PLB1: variants seen among roughly 807,000 people sequenced by gnomAD.
The protein encoded by PLB1 is phospholipase B1.
Under a neutral mutation model 227.4 loss-of-function variants are expected in PLB1, and 242 were observed. That is an observed-to-expected ratio of 1.06 (90% confidence interval 0.96 to 1.18). The LOEUF (loss-of-function observed/expected upper bound fraction) is 1.18, where lower values mean the gene tolerates loss of function less well. Among genes scored for constraint, PLB1 ranks in the 50% most tolerant of loss-of-function variants. PLB1 has a pLI of 0.00. For missense variants in PLB1, 1,858 were observed against 1,816.3 expected (o/e 1.02, Z -0.42); for synonymous variants, 757 against 682.2 (o/e 1.11, Z -1.71).
chr2:28,540,284 C>G, intron 11 of PLB1, 82 bp from the exon 12 acceptor site: 1 of 1,136,814 alleles, frequency 8.8e-7, no homozygotes, highest in East Asian at 2.4e-5. Flanking sequence ...GCCCCTTCTT[C>G]CATAAGAGGC....
chr2:28,556,079 C>A (rs1572948922), intron 17 of PLB1, among the ~76,000 whole-genome samples: 2 of 151,898 alleles, frequency 1.3e-5, no homozygotes, highest in African/African-American at 2.4e-5. Flanking sequence ...CCCGGGCTGG[C>A]CTTGAACTCC....
chr2:28,525,771 C>T, intron 5 of PLB1, 134 bp from the exon 6 acceptor site: 1 of 1,117,444 alleles, frequency 8.9e-7, no homozygotes, highest in Non-Finnish European at 1.3e-6. Flanking sequence ...CCTATAACCC[C>T]TGGGAGGATA....
intron 17 of PLB1, among the ~76,000 whole-genome samples, chr2:28,556,078 G>A (rs1302950842): frequency 1.3e-5 from 2 of 152,026 alleles, no homozygotes; most frequent in East Asian, 3.9e-4. Flanking sequence ...GCCCGGGCTG[G>A]CCTTGAACTC....
chr2:28,588,806 A>G (rs913549974), intron 26 of PLB1, among the ~76,000 whole-genome samples: 1 of 152,226 alleles, frequency 6.6e-6, no homozygotes, highest in African/African-American at 2.4e-5. Flanking sequence ...ATAAATTGTT[A>G]GGATTATTCA....
chr2:28,544,993 A>G (rs1049576111), intron 14 of PLB1, among the ~76,000 whole-genome samples: 1 of 152,068 alleles, frequency 6.6e-6, no homozygotes. Flanking sequence ...ATTGGTGGCA[A>G]TAGCAATAAT....
rs981768201 is a variant in PLB1, at chr2:28,644,034, G to T, written c.*973G>T. ...CTTTGAAAATAGAAGTGATGCTTGC[G>T]CAACACCGTGAATGTACTAAACGCC... On this transcript the variant is annotated 3_prime_UTR_variant, in exon 58 of 58. Transcript: ENST00000327757. 6.6e-6 allele frequency among the ~76,000 whole-genome samples: 1 copy of T among 152,182 alleles called. No individual in the cohort carries two copies. Among genetic ancestry groups the T allele is most frequent in the South Asian group, 2.1e-4 (1 of 4,828 alleles).
chr2:28,557,531 C>G (rs1028012889), intron 17 of PLB1, among the ~76,000 whole-genome samples: 1 of 152,188 alleles, frequency 6.6e-6, no homozygotes, highest in Non-Finnish European at 1.5e-5. Context: ...GCATGCCAAG[C>G]CTTTCTCCTG....
chr2:28,520,095 G>GT (rs1230710045), intron 4 of PLB1, among the ~76,000 whole-genome samples: 1 of 151,678 alleles, frequency 6.6e-6, no homozygotes, highest in African/African-American at 2.4e-5. Context: ...TGCCTGGCTA[G>GT]TTTTGTATTT....
chr2:28,569,612 TG>T (rs1348850873), intron 20 of PLB1, among the ~76,000 whole-genome samples: 2 of 152,010 alleles, frequency 1.3e-5, no homozygotes, highest in East Asian at 3.9e-4. Flanking sequence ...TCAGATAACT[TG>T]GATGAAATGG....
intron 57 of PLB1, among the ~76,000 whole-genome samples, chr2:28,641,538 G>A (rs1334894897): frequency 6.6e-6 from 1 of 152,192 alleles, no homozygotes; most frequent in Non-Finnish European, 1.5e-5. Context: ...AACCCGGGAG[G>A]CAGAGGTTGC....
intron 4 of PLB1, among the ~76,000 whole-genome samples, chr2:28,520,385 TTTTC>T (rs1277304885): frequency 6.6e-6 from 1 of 152,158 alleles, no homozygotes; most frequent in Non-Finnish European, 1.5e-5. Context: ...TTAAGATAAA[TTTTC>T]TTACCTGATT....
rs544345091 is a variant in PLB1 at position 28,504,667 on chromosome 2, G to A, written c.55+8498G>A. On this transcript the variant is annotated intron_variant, in intron 1 of 57. Transcript: ENST00000327757. ...TGAGGCAGGAGAATTACTTGAACCT[G>A]GGAGGTGGAGGTTGCAGTGAGCCGA... 2.6e-5 allele frequency among the ~76,000 whole-genome samples: 4 copies of A among 152,202 alleles called. No individual in the cohort carries two copies. The East Asian group carries it at 5.8e-4, about 22-fold the overall frequency.
rs1163909384 is a variant in PLB1 at position 28,622,444 on chromosome 2, C to A, written c.3527+1466C>A. On this transcript the variant is annotated intron_variant, in intron 49 of 57. Coordinates refer to ENST00000327757, the MANE Select transcript of PLB1 (RefSeq NM_153021.5). Reference sequence around the variant, plus strand: ...AATGTAGTACCACACATAATACCCACCAAAAAAGCAGTACAGTACAAATGT... The same window carrying A: ...AATGTAGTACCACACATAATACCCAACAAAAAAGCAGTACAGTACAAATGT... Among the ~76,000 whole-genome samples the A allele has an allele frequency of 5.3e-5, 8 of 152,134 alleles. No individual in the cohort carries two copies. In the South Asian group the frequency reaches 6.2e-4, roughly 12 times the overall value.
intron 1 of PLB1, among the ~76,000 whole-genome samples, chr2:28,510,253 T>C (rs1403077822): frequency 2.0e-5 from 3 of 152,320 alleles, no homozygotes; most frequent in African/African-American, 7.2e-5. Context: ...CCTCACCTTA[T>C]AGGTGAGGAA....
Position 28,643,539 on chromosome 2 carries a change from T to A in PLB1, c.*478T>A, listed in dbSNP as rs1690189462. 1 of 155,660 alleles carries A rather than the reference T, an allele frequency of 6.4e-6. No homozygotes were observed. Among genetic ancestry groups the A allele is most frequent in the Non-Finnish European group, 1.4e-5 (1 of 70,282 alleles). 9.6% of individuals were successfully genotyped at this position (155,660 alleles called of 1,614,324 possible). ...CCAACACATACCTATTAAGCAACTGTTTTGTATCCAGGACAATGCGAAGCA... is the reference window on the plus strand; with the variant it reads ...CCAACACATACCTATTAAGCAACTGATTTGTATCCAGGACAATGCGAAGCA... On this transcript the variant is annotated 3_prime_UTR_variant, in exon 58 of 58. Transcript: ENST00000327757.
chr2:28,540,298 C>T, intron 11 of PLB1, 68 bp from the exon 12 acceptor site: 1 of 1,336,152 alleles, frequency 7.5e-7, no homozygotes, highest in East Asian at 2.3e-5. Context: ...AAGAGGCGGG[C>T]TGGATGCATC....
chr2:28,528,036 A>G (rs1305718190), intron 6 of PLB1, among the ~76,000 whole-genome samples: 2 of 152,136 alleles, frequency 1.3e-5, no homozygotes, highest in African/African-American at 2.4e-5. Context: ...TTGCAAGCCA[A>G]TCGGGGGTTA....
At chr2:28,593,658 T>C (rs1421405550) in intron 32 of PLB1, 23 bp from the exon 33 acceptor site, 3 of 1,610,714 alleles carry the variant, frequency 1.9e-6, no homozygotes, top group Non-Finnish European at 1.7e-6. Flanking sequence ...AATTTTCCTA[T>C]GGACTCTGGT....
At chr2:28,539,906 C>T (rs1209222322) in intron 11 of PLB1, among the ~76,000 whole-genome samples, 1 of 151,530 alleles carries the variant, frequency 6.6e-6, no homozygotes, top group Non-Finnish European at 1.5e-5. Flanking sequence ...TTCCTCCATT[C>T]CATATCTACC....
Sources: allele counts gnomAD v4.1 joint callset (sites outside exome capture counted in the v4.1 genomes callset), GRCh38; gene constraint gnomAD v4.1.1; transcripts MANE v1.5; gene names NCBI Gene and HGNC (gene_info 2026-07-23, HGNC 2026-07-21).